Variants in CFAP46 observed in about 807,000 individuals in gnomAD.
CFAP46 encodes the protein cilia- and flagella-associated protein 46.
Under a neutral mutation model 325.7 loss-of-function variants are expected in CFAP46, and 245 were observed. The observed-to-expected ratio is 0.75, with a 90% CI of 0.68 to 0.84. CFAP46 has a LOEUF of 0.84. CFAP46 is among the 40% of genes least tolerant of loss of function. The pLI is 0.00. For synonymous variants in CFAP46, 1,523 were observed against 1,495.9 expected, an observed-to-expected ratio of 1.02 and a Z score of -0.42; for missense variants, 3,346 against 3,543.0, an observed-to-expected ratio of 0.94 and a Z score of 1.41.
chr10:132,833,314 C>T, intron 50 of CFAP46, 44 bp downstream of exon 50: 4 of 1,527,508 alleles, frequency 2.6e-6, no homozygotes, highest in Non-Finnish European at 3.6e-6. Context: ...TTAAATATTT[C>T]CATTTTAAAA....
rs556765438 is a variant in CFAP46 at position 132,832,488 on chromosome 10, C to G, written c.7117+870G>C. 1 of 258,830 alleles carries G rather than the reference C, an allele frequency of 3.9e-6. No homozygotes were observed. Among genetic ancestry groups the G allele is most frequent in the African/African-American group, 2.3e-5 (1 of 43,570 alleles). 16.0% of individuals were successfully genotyped at this position (258,830 alleles called of 1,614,324 possible). On this transcript the variant is annotated intron_variant, in intron 50 of 57. Coordinates refer to ENST00000368586, the MANE Select transcript of CFAP46 (RefSeq NM_001200049.3). This position sits in a 1 kb window ranked among gnomAD's most constrained non-coding sequence, Gnocchi z 4.1. ...CAAACCCCCTTCGAGGCCCCCCGTC[C>G]TGCGCGGACTGCTCGTCAATGTTTG... is the stretch of plus-strand genomic sequence containing the variant.
intron 38 of CFAP46, among the ~76,000 whole-genome samples, chr10:132,858,785 G>A (rs2135212825): frequency 6.6e-6 from 1 of 152,304 alleles, no homozygotes; most frequent in South Asian, 2.1e-4. Context: ...GGCTGGAGGT[G>A]CAAGGCCCAA....
intron 50 of CFAP46, among the ~76,000 whole-genome samples, chr10:132,822,329 T>G (rs1847874927): frequency 6.8e-6 from 1 of 146,088 alleles, no homozygotes. Flanking sequence ...TGGTGATGTG[T>G]GCTGTGTGTG....
intron 37 of CFAP46, among the ~76,000 whole-genome samples, chr10:132,860,194 G>A (rs1413230442): frequency 6.6e-6 from 1 of 152,236 alleles, no homozygotes. Flanking sequence ...AAGCCAAACA[G>A]ACGGGACATG....
intron 17 of CFAP46, 123 bp from the exon 18 acceptor site, chr10:132,913,381 G>GGGC: frequency 1.7e-5 from 6 of 350,502 alleles, no homozygotes; most frequent in Non-Finnish European, 2.9e-5. Context: ...GGGCGGGTGG[G>GGGC]CGGCGACCAA....
intron 7 of CFAP46, 41 bp from the exon 8 acceptor site, chr10:132,934,903 C>A: frequency 8.2e-7 from 1 of 1,226,896 alleles, no homozygotes; most frequent in South Asian, 1.2e-5. Context: ...AAGATCCTGT[C>A]AGATTTATTC....
At position 132,936,642 on chromosome 10, in the gene CFAP46, TCA is replaced by T. The variant is rs1213969403; in HGVS notation, c.755+317_755+318del. ...GGCATCCAAACACACCATGATCTCCTCACTCCCCTCGGCATCCAAACACACCA... is the reference window on the plus strand; with the variant it reads ...GGCATCCAAACACACCATGATCTCCTCTCCCCTCGGCATCCAAACACACCA... On this transcript the variant is annotated intron_variant, in intron 7 of 57. Coordinates refer to ENST00000368586, the MANE Select transcript of CFAP46 (RefSeq NM_001200049.3). Among the ~76,000 whole-genome samples the T allele has an allele frequency of 1.4e-4, 19 of 137,642 alleles. 1 individual carries two copies. The highest frequency in any genetic ancestry group is 5.0e-4 in the African/African-American group (19 of 37,848). 90.3% of individuals were successfully genotyped at this position (137,642 alleles called of 152,430 possible).
chr10:132,934,795 C>T lies in CFAP46; in HGVS notation c.823G>A (p.Gly275Ser). Residue 275 changes from glycine to serine, a missense_variant, in exon 8 of 58, where the codon GGT (glycine) becomes AGT (serine). Physicochemically the swap from Gly to Ser is moderately conservative, Grantham distance 56. Transcript: ENST00000368586. ...GGAAAGCGCTGGTGGTTGTAATGAC[C>T]TAAGTGTCTGTAGGCCTTCCTCAGA... is the stretch of plus-strand genomic sequence containing the variant. ...VILRKAYRHL[G>S]HYNHQRFPSI... The T allele has an allele frequency of 6.2e-7, 1 of 1,613,044 alleles. No homozygotes were observed. The highest frequency in any genetic ancestry group is 1.3e-5 in the African/African-American group (1 of 75,002).
At position 132,904,847 on chromosome 10, in the gene CFAP46, G is replaced by A. The variant is rs140375143; in HGVS notation, c.2924+3621C>T. Among the ~76,000 whole-genome samples, 10 of 152,292 alleles carry A rather than the reference G, an allele frequency of 6.6e-5. No homozygotes were observed. In the East Asian group the frequency reaches 7.7e-4, roughly 12 times the overall value. ...TACAATCACGGCTTGCTGCAGCCTC[G>A]ACCTACAGGCTCCTTACGAGGGTGA... On this transcript the variant is annotated intron_variant, in intron 22 of 57. Transcript: ENST00000368586.
Position 132,860,447 on chromosome 10 carries a change from A to C in CFAP46, c.5168T>G (p.Leu1723Arg). Residue 1723 changes from leucine (L) to arginine (R), a missense_variant, in exon 37 of 58, where the codon CTG (leucine) becomes CGG (arginine). Leu to Arg is a moderately radical substitution (Grantham distance 102). Coordinates refer to ENST00000368586, the MANE Select transcript of CFAP46 (RefSeq NM_001200049.3). ...KKERPNRLPL[L>R]EFMITDLEAR... ...TTCTAGATCTGTGATCATGAATTCC[A>C]GTAAAGGCAATCGGTTTGGTCTTTC... The C allele has an allele frequency of 1.3e-6, 2 of 1,551,204 alleles. No individual in the cohort carries two copies. Among genetic ancestry groups the C allele is most frequent in the Non-Finnish European group, 1.7e-6 (2 of 1,147,040 alleles).
intron 39 of CFAP46, among the ~76,000 whole-genome samples, chr10:132,854,007 G>A (rs993230829): frequency 6.6e-6 from 1 of 152,030 alleles, no homozygotes; most frequent in African/African-American, 2.4e-5. Flanking sequence ...CTATTTCACT[G>A]ATCGATTGCC....
intron 43 of CFAP46, among the ~76,000 whole-genome samples, chr10:132,846,468 C>T (rs1410350956): frequency 2.0e-5 from 3 of 152,072 alleles, no homozygotes; most frequent in South Asian, 2.1e-4. Context: ...CTGTGACTGC[C>T]GGGTCTCTGT....
intron 16 of CFAP46, among the ~76,000 whole-genome samples, chr10:132,917,811 C>A (rs921487595): frequency 6.6e-6 from 1 of 152,156 alleles, no homozygotes; most frequent in East Asian, 1.9e-4. Context: ...ACCTGCCCCA[C>A]AGCAGGTTGT....
chr10:132,907,298 C>G (rs1849470678), intron 22 of CFAP46, among the ~76,000 whole-genome samples: 1 of 152,218 alleles, frequency 6.6e-6, no homozygotes, highest in African/African-American at 2.4e-5. Context: ...TTTACAATAG[C>G]AACAGATGGA....
chr10:132,887,819 CTCTCCTCTCCCTTCT>C (rs1849181722), intron 25 of CFAP46, among the ~76,000 whole-genome samples: 1 of 100,042 alleles, frequency 1.0e-5, no homozygotes, highest in African/African-American at 5.1e-5. Flanking sequence ...CTCCCCTCTT[CTCTCCTCTCCCTTCT>C]TCTCTCTCCT....
At chr10:132,918,872 G>A (rs59163332) in intron 15 of CFAP46, among the ~76,000 whole-genome samples, 6,753 of 152,274 alleles carry the variant, frequency 0.044, 416 homozygotes, top group African/African-American at 0.14. Flanking sequence ...CCCTGTGCCC[G>A]TTCTGTCACC....
chr10:132,821,100 TTGTGTGTGCTGATGTGTGCTG>T (rs200948862), intron 50 of CFAP46, among the ~76,000 whole-genome samples: 21,388 of 76,716 alleles, frequency 0.28, 4,066 homozygotes, highest in Admixed American at 0.42. Flanking sequence ...GATGTGTGCT[TTGTGTGTGCTGATGTGTGCTG>T]TGTGTGTGCT....
At position 132,866,264 on chromosome 10, in the gene CFAP46, C is replaced by T; in HGVS notation, c.4744-93G>A. 26 of 1,318,016 alleles carry T rather than the reference C, an allele frequency of 2.0e-5. No homozygotes were observed. In the South Asian group the frequency reaches 4.3e-4, roughly 22 times the overall value. The allele number at this position is 1,318,016 out of a possible 1,614,324, so 81.6% of individuals were successfully genotyped here. A position where few individuals can be genotyped will look rare whatever the true frequency, so the allele number is the denominator to read the frequency against. On this transcript the variant is annotated intron_variant, in intron 34 of 57. Transcript: ENST00000368586. Reference sequence around the variant, plus strand: ...GCTCTGGCTCAGGAGCCATCTGTACCACACAGGGAGCCACACCACACCAAG... The same window carrying T: ...GCTCTGGCTCAGGAGCCATCTGTACTACACAGGGAGCCACACCACACCAAG...
In CFAP46 at chr10:132,869,704, A is replaced by G. The variant is rs1379969238; in HGVS notation, c.4512-332T>C. 6.6e-6 allele frequency among the ~76,000 whole-genome samples: 1 copy of G among 152,104 alleles called. No homozygotes were observed. Among genetic ancestry groups the G allele is most frequent in the Non-Finnish European group, 1.5e-5 (1 of 68,022 alleles). On this transcript the variant is annotated intron_variant, in intron 32 of 57. Transcript: ENST00000368586. This position sits in a 1 kb window ranked among gnomAD's most constrained non-coding sequence, Gnocchi z 6.2. ...AGCAGAGAAGCCTCGACTCCTGTTG[A>G]AAACCCTATTCTTGTAAAATGCTTT...
Sources: gnomAD v4.1 joint callset for allele counts (sites outside exome capture counted in the v4.1 genomes callset) on GRCh38, gnomAD v4.1.1 for gene constraint, Gnocchi (gnomAD v3.1) non-coding constraint, MANE v1.5 for transcripts, NCBI Gene and HGNC (gene_info 2026-07-23, HGNC 2026-07-21) for gene names.